Variants in RIC8B observed in about 807,000 individuals in gnomAD.
RIC8B encodes chaperone Ric-8B.
In RIC8B, 16 loss-of-function variants were observed where a neutral mutation model predicts 57.5. The ratio of observed to expected loss-of-function variants is 0.28; its 90% CI spans 0.19 to 0.42. RIC8B has a LOEUF of 0.42. Among genes scored for constraint, RIC8B ranks in the 10% least tolerant of loss-of-function variants. The pLI, the probability that RIC8B is intolerant of heterozygous loss-of-function variation, is 1.00. For missense variants in RIC8B, 481 were observed against 677.0 expected, an observed-to-expected ratio of 0.71 and a Z score of 3.21; for synonymous variants, 216 against 250.8, an observed-to-expected ratio of 0.86 and a Z score of 1.31.
chr12:106,803,784 G>A (rs1180104404), intron 2 of RIC8B, among the ~76,000 whole-genome samples: 2 of 152,070 alleles, frequency 1.3e-5, no homozygotes, highest in African/African-American at 2.4e-5. Flanking sequence ...TTCTACATGT[G>A]GACTTATTTC....
intron 2 of RIC8B, among the ~76,000 whole-genome samples, chr12:106,785,833 G>A (rs2043995203): frequency 1.9e-5 from 2 of 103,910 alleles, no homozygotes; most frequent in Admixed American, 2.0e-4. Context: ...GTGTGTGTGT[G>A]TGTGTGTGTG....
At chr12:106,865,707 C>T (rs1240457225) in intron 8 of RIC8B, among the ~76,000 whole-genome samples, 1 of 151,956 alleles carries the variant, frequency 6.6e-6, no homozygotes, top group Non-Finnish European at 1.5e-5. Flanking sequence ...TTGCTTCTAC[C>T]TTTGTTCCTC....
chr12:106,834,956 C>G (rs1478969908), intron 4 of RIC8B, among the ~76,000 whole-genome samples: 1 of 137,412 alleles, frequency 7.3e-6, no homozygotes, highest in Non-Finnish European at 1.5e-5. Context: ...TGCACTCCAG[C>G]CTGGGCGACA....
chr12:106,797,995 T>G (rs914227862), intron 2 of RIC8B: 8 of 705,642 alleles, frequency 1.1e-5, no homozygotes, highest in African/African-American at 1.1e-4. Flanking sequence ...AATGTGAGAT[T>G]TGATGGAGAA....
intron 7 of RIC8B, among the ~76,000 whole-genome samples, chr12:106,858,627 A>G (rs1481299420): frequency 6.6e-6 from 1 of 152,122 alleles, no homozygotes; most frequent in Non-Finnish European, 1.5e-5. Context: ...CAATAATTCT[A>G]ATAGGATTCT....
At chr12:106,827,280 T>C (rs1387134349) in intron 4 of RIC8B, among the ~76,000 whole-genome samples, 2 of 152,190 alleles carry the variant, frequency 1.3e-5, no homozygotes, top group African/African-American at 2.4e-5. Flanking sequence ...TCTATATGAA[T>C]ACAAATGGCA....
chr12:106,822,447 T>C (rs369978372), intron 3 of RIC8B: 12 of 152,284 alleles, frequency 7.9e-5, no homozygotes, highest in African/African-American at 2.9e-4. Flanking sequence ...CATGTAAAAA[T>C]TGTGTTCACA....
chr12:106,864,560 G>A (rs377582790), intron 8 of RIC8B, among the ~76,000 whole-genome samples: 25 of 152,222 alleles, frequency 1.6e-4, no homozygotes, highest in East Asian at 7.7e-4. Flanking sequence ...CAAACAGTTC[G>A]TTAAGTGGTC....
intron 2 of RIC8B, among the ~76,000 whole-genome samples, chr12:106,795,125 A>C (rs937651224): frequency 6.6e-6 from 1 of 152,218 alleles, no homozygotes; most frequent in East Asian, 1.9e-4. Flanking sequence ...ATCAAAAGCT[A>C]TAAATGTATA....
rs61337359 is a variant in RIC8B, at chr12:106,785,813, CTGTGTGTGTGTGTGTG to C, written c.132+1789_132+1804del. Among the ~76,000 whole-genome samples the C allele has an allele frequency of 6.5e-5, 8 of 123,934 alleles. No homozygotes were observed. In the East Asian group the frequency reaches 9.5e-4, roughly 15 times the overall value. 81.3% of individuals were successfully genotyped at this position (123,934 alleles called of 152,430 possible). A position where few individuals can be genotyped will look rare whatever the true frequency, so the allele number is the denominator to read the frequency against. The stretch of plus-strand genomic sequence containing the variant: ...TCTCTCTCTCTCTCTCTCTCTCTCT[CTGTGTGTGTGTGTGTG>C]TGTGTGTGTGTGTGTGTGTATAAAG... On this transcript the variant is annotated intron_variant, in intron 2 of 9. Transcript: ENST00000392837.
At chr12:106,816,822 C>T (rs181513269) in intron 3 of RIC8B, among the ~76,000 whole-genome samples, 28 of 152,204 alleles carry the variant, frequency 1.8e-4, no homozygotes, top group South Asian at 1.0e-3. Context: ...TAAGTAATAT[C>T]GGAGCTAGAA....
At chr12:106,850,720 T>C (rs1199921895) in intron 6 of RIC8B, among the ~76,000 whole-genome samples, 1 of 152,146 alleles carries the variant, frequency 6.6e-6, no homozygotes, top group Non-Finnish European at 1.5e-5. Flanking sequence ...TAGAAAGTAC[T>C]AAAAAATTAA....
At position 106,810,302 on chromosome 12, in the gene RIC8B, AAAAG is replaced by A. The variant is rs1249957750; in HGVS notation, c.133-4386_133-4383del. On this transcript the variant is annotated intron_variant, in intron 2 of 9. Coordinates refer to ENST00000392837, the MANE Select transcript of RIC8B (RefSeq NM_001330145.2). ...ATCATACAGCTGGTAAAAAAAAAAA[AAAAG>A]AAAGAAAAGAAAGTCACACAGTGGC... Among the ~76,000 whole-genome samples the A allele has an allele frequency of 7.1e-4, 107 of 151,194 alleles. 1 individual carries two copies. Among genetic ancestry groups the A allele is most frequent in the East Asian group, 4.8e-3 (25 of 5,170 alleles).
intron 9 of RIC8B, among the ~76,000 whole-genome samples, chr12:106,876,868 T>C (rs1950688773): frequency 6.6e-6 from 1 of 152,160 alleles, no homozygotes; most frequent in African/African-American, 2.4e-5. Flanking sequence ...TCTACTACTT[T>C]ATTCTACAGT....
chr12:106,785,813 CTGTGTGTGTGTGTGTGTG>C (rs61337359), intron 2 of RIC8B, among the ~76,000 whole-genome samples: 1 of 123,852 alleles, frequency 8.1e-6, no homozygotes, highest in Non-Finnish European at 1.7e-5. Flanking sequence ...CTCTCTCTCT[CTGTGTGTGTGTGTGTGTG>C]TGTGTGTGTG....
rs1426787994 is a variant in RIC8B at position 106,887,512 on chromosome 12, G to A, written c.*1497G>A. ...CGTCTTAAAGGCCTTTCAGCTGCCA[G>A]AGGAGATGTCACAAAGTTTCTTGCA... is the stretch of plus-strand genomic sequence containing the variant. On this transcript the variant is annotated 3_prime_UTR_variant, in exon 10 of 10. Coordinates refer to ENST00000392837, the MANE Select transcript of RIC8B (RefSeq NM_001330145.2). The A allele has an allele frequency of 6.6e-6, 1 of 152,180 alleles. No individual in the cohort carries two copies. Among genetic ancestry groups the A allele is most frequent in the African/African-American group, 2.4e-5 (1 of 41,436 alleles). 9.4% of individuals were successfully genotyped at this position (152,180 alleles called of 1,614,324 possible). A position where few individuals can be genotyped will look rare whatever the true frequency, so the allele number is the denominator to read the frequency against.
intron 4 of RIC8B, among the ~76,000 whole-genome samples, chr12:106,836,010 T>C (rs1372223893): frequency 6.6e-6 from 1 of 152,222 alleles, no homozygotes; most frequent in African/African-American, 2.4e-5. Flanking sequence ...CACCGAGGCT[T>C]TTAGCCTCAC....
chr12:106,835,109 C>T (rs1291513461), intron 4 of RIC8B, among the ~76,000 whole-genome samples: 1 of 151,876 alleles, frequency 6.6e-6, no homozygotes, highest in Non-Finnish European at 1.5e-5. Context: ...TTACCGTTTC[C>T]ATGGCTTTAC....
chr12:106,872,573 C>T (rs956200706), intron 9 of RIC8B, among the ~76,000 whole-genome samples: 2 of 150,296 alleles, frequency 1.3e-5, no homozygotes, highest in African/African-American at 4.9e-5. Context: ...GAGGCTGAGG[C>T]AGGAGAATCG....
Sources: gnomAD v4.1 joint callset for allele counts (sites outside exome capture counted in the v4.1 genomes callset) on GRCh38, gnomAD v4.1.1 for gene constraint, MANE v1.5 for transcripts, NCBI Gene and HGNC (gene_info 2026-07-23, HGNC 2026-07-21) for gene names.